H3-4: variants seen among roughly 807,000 people sequenced by gnomAD.
The protein encoded by H3-4 is H3.4 histone, cluster member.
A neutral mutation model predicts 3.8 loss-of-function variants in H3-4; 6 were observed. The ratio of observed to expected loss-of-function variants is 1.59; its 90% CI spans 0.87 to 3.13. H3-4 has a LOEUF of 3.13. Ranked by LOEUF, H3-4 falls within the 30% of genes most tolerant of loss-of-function variation. The probability of loss-of-function intolerance (pLI) is 0.00; values close to 1 mark genes in which losing one functional copy is unlikely to be tolerated. For missense variants in H3-4, 298 were observed against 202.4 expected, an observed-to-expected ratio of 1.47 and a Z score of -2.87; for synonymous variants, 138 against 86.5, an observed-to-expected ratio of 1.60 and a Z score of -3.30.
rs2149125586 is a variant in H3-4 at position 228,425,177 on chromosome 1, C to T, written c.149G>A (p.Arg50His). Reference sequence around the variant, plus strand: ...GGACTTCTGGTAGCGGCGGATCTCGCGAAGCGCCACCGTGCCGGGCCGGTA... The same window carrying T: ...GGACTTCTGGTAGCGGCGGATCTCGTGAAGCGCCACCGTGCCGGGCCGGTA... ...HRYRPGTVAL[R>H]EIRRYQKSTE... Residue 50 changes from arginine to histidine, a missense_variant, in exon 1 of 1, where the codon CGC becomes CAC. Coordinates refer to ENST00000366696, the MANE Select transcript of H3-4 (RefSeq NM_003493.3). The T allele has an allele frequency of 1.9e-6, 3 of 1,614,206 alleles. No individual in the cohort carries two copies. Among genetic ancestry groups the T allele is most frequent in the Non-Finnish European group, 2.5e-6 (3 of 1,180,020 alleles).
rs117182407 is a variant in H3-4 at position 228,424,945 on chromosome 1, C to T, written c.381G>A (p.Leu127=). The T allele has an allele frequency of 6.2e-7, 1 of 1,614,248 alleles. No individual in the cohort carries two copies. The highest frequency in any genetic ancestry group is 2.2e-5 in the East Asian group (1 of 44,868). Residue 127 remains leucine (L), a synonymous_variant, in exon 1 of 1, where the codon CTG becomes CTA. Coordinates refer to ENST00000366696, the MANE Select transcript of H3-4 (RefSeq NM_003493.3). The part of the protein sequence containing the change: ...RVTIMPKDIQ[L]ARRIRGERA ...CCCGCTCCCCGCGGATACGGCGTGC[C>T]AGCTGGATGTCCTTAGGCATGATGG...
At position 228,425,330 on chromosome 1, in the gene H3-4, C is replaced by G. The variant is rs778045287; in HGVS notation, c.-5G>C. ...AGTCTGCTTGGTTCGGGCCATGAAT[C>G]CGAAACTGTTGGCCCCGCGGTGTCC... On this transcript the variant is annotated 5_prime_UTR_variant, in exon 1 of 1. Coordinates refer to ENST00000366696, the MANE Select transcript of H3-4 (RefSeq NM_003493.3). 3.1e-6 allele frequency: 5 copies of G among 1,613,858 alleles called. No homozygotes were observed. Among genetic ancestry groups the G allele is most frequent in the South Asian group, 1.1e-5 (1 of 91,082 alleles).
Position 228,425,061 on chromosome 1 carries a change from C to A in H3-4, c.265G>T (p.Ala89Ser), listed in dbSNP as rs1657426039. 3.1e-6 allele frequency: 5 copies of A among 1,614,284 alleles called. No individual in the cohort carries two copies. In the East Asian group the frequency reaches 1.1e-4, roughly 36 times the overall value. ...CACGCCTCCTGCAGCGCCATCACGGCCGAGCTCTGGAAGCGCAGGTCGGTC... is the reference window on the plus strand; with the variant it reads ...CACGCCTCCTGCAGCGCCATCACGGACGAGCTCTGGAAGCGCAGGTCGGTC... ...FKTDLRFQSS[A>S]VMALQEACES... Residue 89 changes from alanine to serine, a missense_variant, in exon 1 of 1, where the codon GCC becomes TCC. Transcript: ENST00000366696.
Position 228,425,283 on chromosome 1 carries a change from T to G in H3-4, c.43A>C (p.Lys15Gln), listed in dbSNP as rs547680085. ...KQTARKSTGGKAPRKQLATKV... is the reference protein window; with the variant it reads ...KQTARKSTGGQAPRKQLATKV... Reference sequence around the variant, plus strand: ...GTGGCCAGCTGCTTGCGCGGCGCCTTGCCACCCGTTGACTTGCGCGCAGTC... The same window carrying G: ...GTGGCCAGCTGCTTGCGCGGCGCCTGGCCACCCGTTGACTTGCGCGCAGTC... Residue 15 changes from lysine to glutamine, a missense_variant, in exon 1 of 1, where the codon AAG (lysine) becomes CAG (glutamine). Lys to Gln is a moderately conservative substitution (Grantham distance 53). Coordinates refer to ENST00000366696, the MANE Select transcript of H3-4 (RefSeq NM_003493.3). 2 of 1,613,862 alleles carry G rather than the reference T, an allele frequency of 1.2e-6. No homozygotes were observed. The highest frequency in any genetic ancestry group is 2.7e-5 in the African/African-American group (2 of 75,056).
rs201625757 is a variant in H3-4 at position 228,425,127 on chromosome 1, G to A, written c.199C>T (p.Pro67Ser). Residue 67 changes from proline (P) to serine (S), a missense_variant, in exon 1 of 1, where the codon CCC (proline) becomes TCC (serine). Pro to Ser is a moderately conservative substitution (Grantham distance 74, BLOSUM62 -1). Coordinates refer to ENST00000366696, the MANE Select transcript of H3-4 (RefSeq NM_003493.3). ...KSTELLIRKLPFQRLMREIAQ... is the reference protein window; with the variant it reads ...KSTELLIRKLSFQRLMREIAQ... ...ATCTCGCGCATCAGCCGCTGGAAGGGCAACTTGCGGATTAGCAGCTCAGTG... is the reference window on the plus strand; with the variant it reads ...ATCTCGCGCATCAGCCGCTGGAAGGACAACTTGCGGATTAGCAGCTCAGTG... 9 of 1,614,042 alleles carry A rather than the reference G, an allele frequency of 5.6e-6. No homozygotes were observed. The highest frequency in any genetic ancestry group is 1.6e-4 in the Middle Eastern group (1 of 6,062).
chr1:228,424,941 G>A lies in H3-4; in HGVS notation c.385C>T (p.Arg129Cys), dbSNP rs1657414993. The A allele has an allele frequency of 1.9e-6, 3 of 1,614,040 alleles. No individual in the cohort carries two copies. Among genetic ancestry groups the A allele is most frequent in the Admixed American group, 1.7e-5 (1 of 60,004 alleles). The change falls in exon 1 of 1, where the codon CGC (arginine) becomes TGC (cysteine). Residue 129 changes from arginine to cysteine, a missense_variant. Physicochemically the swap from Arg to Cys is radical, Grantham distance 180. Coordinates refer to ENST00000366696, the MANE Select transcript of H3-4 (RefSeq NM_003493.3). ...TAGGCCCGCTCCCCGCGGATACGGC[G>A]TGCCAGCTGGATGTCCTTAGGCATG... ...TIMPKDIQLA[R>C]RIRGERA
In H3-4 at chr1:228,425,027, T is replaced by G; in HGVS notation, c.299A>C (p.Tyr100Ser). ...VMALQEACESYLVGLFEDTNL... is the reference protein window; with the variant it reads ...VMALQEACESSLVGLFEDTNL... ...GGTGTCCTCAAACAGCCCCACCAGG[T>G]AAGACTCGCACGCCTCCTGCAGCGC... The change falls in exon 1 of 1, where the codon TAC becomes TCC. Residue 100 changes from tyrosine to serine, a missense_variant. Transcript: ENST00000366696. 1 of 1,614,232 alleles carries G rather than the reference T, an allele frequency of 6.2e-7. No individual in the cohort carries two copies. Among genetic ancestry groups the G allele is most frequent in the South Asian group, 1.1e-5 (1 of 91,090 alleles).
chr1:228,425,235 G>A lies in H3-4; in HGVS notation c.91C>T (p.Pro31Ser), dbSNP rs562257505. Residue 31 changes from proline to serine, a missense_variant, in exon 1 of 1, where the codon CCT (proline) becomes TCT (serine). Coordinates refer to ENST00000366696, the MANE Select transcript of H3-4 (RefSeq NM_003493.3). ...LATKVARKSA[P>S]ATGGVKKPHR... ...GGCTTCTTCACGCCGCCAGTGGCAG[G>A]TGCGCTCTTGCGAGCCACCTTGGTG... The A allele has an allele frequency of 1.9e-5, 30 of 1,613,596 alleles. 1 individual carries two copies. The South Asian group carries it at 2.7e-4, about 15-fold the overall frequency.
rs1205846495 is a variant in H3-4 at position 228,425,065 on chromosome 1, G to A, written c.261C>T (p.Ser87=). ...CCTCCTGCAGCGCCATCACGGCCGA[G>A]CTCTGGAAGCGCAGGTCGGTCTTAA... The part of the protein sequence containing the change: ...QDFKTDLRFQ[S]SAVMALQEAC... The change falls in exon 1 of 1, where the codon AGC becomes AGT. Residue 87 remains serine, a synonymous_variant. Transcript: ENST00000366696. The A allele has an allele frequency of 4.3e-6, 7 of 1,614,166 alleles. No homozygotes were observed. In the East Asian group the frequency reaches 6.7e-5, roughly 15 times the overall value.
chr1:228,425,051 G>A lies in H3-4; in HGVS notation c.275C>T (p.Ala92Val). ...GTAAGACTCGCACGCCTCCTGCAGC[G>A]CCATCACGGCCGAGCTCTGGAAGCG... is the stretch of plus-strand genomic sequence containing the variant. ...DLRFQSSAVM[A>V]LQEACESYLV... The change falls in exon 1 of 1, where the codon GCG (alanine) becomes GTG (valine). Residue 92 changes from alanine to valine, a missense_variant. Transcript: ENST00000366696. 2 of 1,614,272 alleles carry A rather than the reference G, an allele frequency of 1.2e-6. No individual in the cohort carries two copies. Among genetic ancestry groups the A allele is most frequent in the Non-Finnish European group, 1.7e-6 (2 of 1,180,056 alleles).
chr1:228,424,873 G>A lies in H3-4; in HGVS notation c.*42C>T. 1 of 1,612,976 alleles carries A rather than the reference G, an allele frequency of 6.2e-7. No homozygotes were observed. Among genetic ancestry groups the A allele is most frequent in the South Asian group, 1.1e-5 (1 of 91,044 alleles). On this transcript the variant is annotated 3_prime_UTR_variant, in exon 1 of 1. Coordinates refer to ENST00000366696, the MANE Select transcript of H3-4 (RefSeq NM_003493.3). The stretch of plus-strand genomic sequence containing the variant: ...TGGGTGGCTCTTAAAAGAGCCTTTG[G>A]GGTGAACGTTGCGCAACCTCTCAGG...
Position 228,425,118 on chromosome 1 carries a change from G to A in H3-4, c.208C>T (p.Arg70Trp), listed in dbSNP as rs761689329. The A allele has an allele frequency of 4.3e-6, 7 of 1,614,058 alleles. No homozygotes were observed. Among genetic ancestry groups the A allele is most frequent in the Non-Finnish European group, 5.1e-6 (6 of 1,179,872 alleles). The change falls in exon 1 of 1, where the codon CGG (arginine) becomes TGG (tryptophan). Residue 70 changes from arginine (R) to tryptophan (W), a missense_variant. Arg to Trp is a moderately radical substitution (Grantham distance 101). Coordinates refer to ENST00000366696, the MANE Select transcript of H3-4 (RefSeq NM_003493.3). Reference protein sequence around the residue: ...ELLIRKLPFQRLMREIAQDFK... With the variant: ...ELLIRKLPFQWLMREIAQDFK... Reference sequence around the variant, plus strand: ...TCCTGAGCGATCTCGCGCATCAGCCGCTGGAAGGGCAACTTGCGGATTAGC... The same window carrying A: ...TCCTGAGCGATCTCGCGCATCAGCCACTGGAAGGGCAACTTGCGGATTAGC...
chr1:228,425,308 CT>C lies in H3-4; in HGVS notation c.17del (p.Gln6ArgfsTer31), dbSNP rs1657447567. The C allele has an allele frequency of 6.2e-7, 1 of 1,613,934 alleles. No individual in the cohort carries two copies. Among genetic ancestry groups the C allele is most frequent in the Non-Finnish European group, 8.5e-7 (1 of 1,179,836 alleles). ...TGCCACCCGTTGACTTGCGCGCAGT[CT>C]GCTTGGTTCGGGCCATGAATCCGAA... MARTKQTARKSTGGKA... is the reference protein window; with the variant it reads MARTKXTARKSTGGKA... On this transcript the variant is annotated frameshift_variant, in exon 1 of 1. Transcript: ENST00000366696. LOFTEE classifies it low-confidence loss of function (END_TRUNC).
rs151071964 is a variant in H3-4 at position 228,425,276 on chromosome 1, G to T, written c.50C>A (p.Pro17Gln). 1.2e-6 allele frequency: 2 copies of T among 1,613,698 alleles called. No homozygotes were observed. The highest frequency in any genetic ancestry group is 1.7e-6 in the Non-Finnish European group (2 of 1,179,812). Residue 17 changes from proline to glutamine, a missense_variant, in exon 1 of 1, where the codon CCG becomes CAG. Physicochemically the swap from Pro to Gln is moderately conservative, Grantham distance 76. Transcript: ENST00000366696. ...TARKSTGGKA[P>Q]RKQLATKVAR... Reference sequence around the variant, plus strand: ...CACCTTGGTGGCCAGCTGCTTGCGCGGCGCCTTGCCACCCGTTGACTTGCG... The same window carrying T: ...CACCTTGGTGGCCAGCTGCTTGCGCTGCGCCTTGCCACCCGTTGACTTGCG...
chr1:228,425,218 C>A lies in H3-4; in HGVS notation c.108G>T (p.Val36=). ...CGGGCCGGTAGCGGTGCGGCTTCTT[C>A]ACGCCGCCAGTGGCAGGTGCGCTCT... ...ARKSAPATGG[V]KKPHRYRPGT... The change falls in exon 1 of 1, where the codon GTG becomes GTT. Residue 36 remains valine (V), a synonymous_variant. Coordinates refer to ENST00000366696, the MANE Select transcript of H3-4 (RefSeq NM_003493.3). 1 of 1,613,738 alleles carries A rather than the reference C, an allele frequency of 6.2e-7. No homozygotes were observed. Among genetic ancestry groups the A allele is most frequent in the South Asian group, 1.1e-5 (1 of 91,040 alleles).
chr1:228,425,287 A>AC lies in H3-4; in HGVS notation c.38dup (p.Gly14TrpfsTer47), dbSNP rs1558465460. 4 of 1,613,630 alleles carry AC rather than the reference A, an allele frequency of 2.5e-6. No homozygotes were observed. In the African/African-American group the frequency reaches 5.3e-5, roughly 22 times the overall value. ...CCAGCTGCTTGCGCGGCGCCTTGCCACCCGTTGACTTGCGCGCAGTCTGCT... is the reference window on the plus strand; with the variant it reads ...CCAGCTGCTTGCGCGGCGCCTTGCCACCCCGTTGACTTGCGCGCAGTCTGCT... On this transcript the variant is annotated frameshift_variant, in exon 1 of 1. Coordinates refer to ENST00000366696, the MANE Select transcript of H3-4 (RefSeq NM_003493.3). LOFTEE classifies it high-confidence loss of function.
rs1483772698 is a variant in H3-4 at position 228,425,011 on chromosome 1, A to T, written c.315T>A (p.Phe105Leu). 2 of 1,614,252 alleles carry T rather than the reference A, an allele frequency of 1.2e-6. No homozygotes were observed. The highest frequency in any genetic ancestry group is 1.3e-5 in the African/African-American group (1 of 75,078). ...EACESYLVGL[F>L]EDTNLCVIHA... ...GGATGACACACAGGTTGGTGTCCTC[A>T]AACAGCCCCACCAGGTAAGACTCGC... is the stretch of plus-strand genomic sequence containing the variant. The change falls in exon 1 of 1, where the codon TTT (phenylalanine) becomes TTA (leucine). Residue 105 changes from phenylalanine to leucine, a missense_variant. Coordinates refer to ENST00000366696, the MANE Select transcript of H3-4 (RefSeq NM_003493.3).
rs757774269 is a variant in H3-4, at chr1:228,425,182, C to T, written c.144G>A (p.Ala48=). ...KPHRYRPGTV[A]LREIRRYQKS... ...TCTGGTAGCGGCGGATCTCGCGAAGCGCCACCGTGCCGGGCCGGTAGCGGT... is the reference window on the plus strand; with the variant it reads ...TCTGGTAGCGGCGGATCTCGCGAAGTGCCACCGTGCCGGGCCGGTAGCGGT... Residue 48 remains alanine, a synonymous_variant, in exon 1 of 1, where the codon GCG becomes GCA. Coordinates refer to ENST00000366696, the MANE Select transcript of H3-4 (RefSeq NM_003493.3). The T allele has an allele frequency of 5.6e-6, 9 of 1,614,060 alleles. No homozygotes were observed. The highest frequency in any genetic ancestry group is 6.8e-6 in the Non-Finnish European group (8 of 1,180,006).
chr1:228,425,194 G>T lies in H3-4; in HGVS notation c.132C>A (p.Pro44=), dbSNP rs1274902602. The T allele has an allele frequency of 1.2e-6, 2 of 1,613,942 alleles. No individual in the cohort carries two copies. The highest frequency in any genetic ancestry group is 1.7e-5 in the Admixed American group (1 of 60,014). ...GGATCTCGCGAAGCGCCACCGTGCCGGGCCGGTAGCGGTGCGGCTTCTTCA... is the reference window on the plus strand; with the variant it reads ...GGATCTCGCGAAGCGCCACCGTGCCTGGCCGGTAGCGGTGCGGCTTCTTCA... The part of the protein sequence containing the change: ...GGVKKPHRYR[P]GTVALREIRR... Residue 44 remains proline (P), a synonymous_variant, in exon 1 of 1, where the codon CCC becomes CCA. Transcript: ENST00000366696.
Sources: allele counts gnomAD v4.1 joint callset, GRCh38; gene constraint gnomAD v4.1.1; transcripts MANE v1.5; gene names NCBI Gene and HGNC (gene_info 2026-07-23, HGNC 2026-07-21).